The following GTPBP2 variants were observed in gnomAD, a reference collection of about 807,000 sequenced individuals.
GTPBP2 encodes the protein GTP-binding protein 2.
A neutral mutation model predicts 63.0 loss-of-function variants in GTPBP2; 32 were observed. That is an observed-to-expected ratio of 0.51 (90% CI 0.38 to 0.68). The LOEUF is 0.68. GTPBP2 is among the 30% of genes least tolerant of loss of function. The pLI is 0.00. For missense variants in GTPBP2, 492 were observed against 796.9 expected (o/e 0.62, Z 4.61); for synonymous variants, 310 against 322.6 (o/e 0.96, Z 0.42).
At chr6:43,630,183 ATTT>A (rs1406786509), upstream of GTPBP2, among the ~76,000 whole-genome samples, 2 of 152,114 alleles carry the variant, frequency 1.3e-5, no homozygotes, top group African/African-American at 4.8e-5. Context: ...GCCACAGGGG[ATTT>A]TTGGCTTTTG....
chr6:43,629,851 C>T (rs1242722452), upstream of GTPBP2: 3 of 1,470,208 alleles, frequency 2.0e-6, no homozygotes, highest in African/African-American at 2.8e-5. Flanking sequence ...ATTATGCTAC[C>T]TTTACATAGT....
At chr6:43,627,181 G>A (rs951038436) in intron 1 of GTPBP2, 16 of 780,788 alleles carry the variant, frequency 2.0e-5, no homozygotes, top group Middle Eastern at 7.6e-4. Context: ...ATTTAAGCCA[G>A]GAACAGAACA....
rs1334653670 is a variant in GTPBP2, at chr6:43,625,872, A to G, written c.399-8T>C. 2.5e-6 allele frequency: 4 copies of G among 1,606,050 alleles called. No individual in the cohort carries two copies. Among genetic ancestry groups the G allele is most frequent in the Non-Finnish European group, 3.4e-6 (4 of 1,172,838 alleles). On this transcript the variant is annotated splice_polypyrimidine_tract_variant and splice_region_variant and intron_variant, in intron 3 of 11. Coordinates refer to ENST00000307126, the MANE Select transcript of GTPBP2 (RefSeq NM_019096.5). The surrounding 1 kb of genome is among the most constrained non-coding windows in gnomAD (Gnocchi z 5.1). The stretch of plus-strand genomic sequence containing the variant: ...GTTATGTCTGCCCCAACCCTGTCAC[A>G]GCAAGGCCACAGCTGCCATATCTCA...
rs562922367 is a variant in GTPBP2, at chr6:43,623,047, ACCTAAT to A, written c.1296-249_1296-244del. ...ACTTGCTGGTTTAACAACACCGAAC[ACCTAAT>A]CACTGAAGGAGCAAGTTATCCCCTT... On this transcript the variant is annotated intron_variant, in intron 9 of 11. Coordinates refer to ENST00000307126, the MANE Select transcript of GTPBP2 (RefSeq NM_019096.5). 1.6e-4 allele frequency: 81 copies of A among 506,622 alleles called. 1 individual carries two copies. Among genetic ancestry groups the A allele is most frequent in the African/African-American group, 1.2e-3 (63 of 52,232 alleles). 31.4% of individuals were successfully genotyped at this position (506,622 alleles called of 1,614,324 possible).
In GTPBP2 at chr6:43,624,127, A is replaced by AGAGCCCC; in HGVS notation, c.1101-66_1101-60dup. On this transcript the variant is annotated intron_variant, in intron 7 of 11. Transcript: ENST00000307126. This position sits in a 1 kb window ranked among gnomAD's most constrained non-coding sequence, Gnocchi z 5.1. ...ACAGTCCAAACAGGAGGCAGAGGCC[A>AGAGCCCC]GAGCCCCATACATGGAAAGGTGAGC... 6.8e-7 allele frequency: 1 copy of AGAGCCCC among 1,476,096 alleles called. No individual in the cohort carries two copies. The highest frequency in any genetic ancestry group is 9.2e-7 in the Non-Finnish European group (1 of 1,084,324). The allele number at this position is 1,476,096 out of a possible 1,614,324, so 91.4% of individuals were successfully genotyped here. A position where few individuals can be genotyped will look rare whatever the true frequency, so the allele number is the denominator to read the frequency against.
chr6:43,629,600 T>G (rs912409987), upstream of GTPBP2: 2 of 789,998 alleles, frequency 2.5e-6, no homozygotes, highest in Non-Finnish European at 4.3e-6. Flanking sequence ...GTAGAAGAGC[T>G]TACATCAGAA....
rs1285809763 is a variant in GTPBP2 at position 43,624,287 on chromosome 6, C to T, written c.1101-219G>A. Among the ~76,000 whole-genome samples, 1 of 152,198 alleles carries T rather than the reference C, an allele frequency of 6.6e-6. No homozygotes were observed. Among genetic ancestry groups the T allele is most frequent in the Non-Finnish European group, 1.5e-5 (1 of 68,028 alleles). ...GGGAAACAGCAAATGCCTGGTATAG[C>T]ACTTCATCGCCATGGTCCCAGGCAT... On this transcript the variant is annotated intron_variant, in intron 7 of 11. Transcript: ENST00000307126. The surrounding 1 kb of genome is among the most constrained non-coding windows in gnomAD (Gnocchi z 5.1).
At chr6:43,628,845 TCTC>T (rs1297632672) in intron 1 of GTPBP2, 129 bp downstream of exon 1, 12 of 1,010,614 alleles carry the variant, frequency 1.2e-5, no homozygotes, top group African/African-American at 4.7e-5. Flanking sequence ...AAAGAGGTGT[TCTC>T]CTCCCGTGCC....
At chr6:43,628,818 TG>T (rs759840402) in intron 1 of GTPBP2, 158 bp downstream of exon 1, 23 of 869,748 alleles carry the variant, frequency 2.6e-5, no homozygotes, top group East Asian at 1.9e-4. Context: ...CCTTCCTCCC[TG>T]GGGTCCCGGG....
At chr6:43,623,645 G>T in intron 9 of GTPBP2, 92 bp downstream of exon 9, 1 of 932,376 alleles carries the variant, frequency 1.1e-6, no homozygotes, top group Non-Finnish European at 1.8e-6. Context: ...AATGGGTTCC[G>T]TTCAATTCCA....
chr6:43,629,080 C>A lies in GTPBP2; in HGVS notation c.83G>T (p.Arg28Met). 5 of 1,598,446 alleles carry A rather than the reference C, an allele frequency of 3.1e-6. No homozygotes were observed. Among genetic ancestry groups the A allele is most frequent in the Non-Finnish European group, 4.3e-6 (5 of 1,172,824 alleles). Reference sequence around the variant, plus strand: ...GCAGCCGCTGCTGCTGCCGGCCCCCCTAGCCTTGAGGGTTCCGCCCACGGC... The same window carrying A: ...GCAGCCGCTGCTGCTGCCGGCCCCCATAGCCTTGAGGGTTCCGCCCACGGC... ...GPAVGGTLKARGAGSSSGCGG... is the reference protein window; with the variant it reads ...GPAVGGTLKAMGAGSSSGCGG... The change falls in exon 1 of 12, where the codon AGG (arginine) becomes ATG (methionine). Residue 28 changes from arginine to methionine, a missense_variant. Transcript: ENST00000307126.
Position 43,622,378 on chromosome 6 carries a change from T to G in GTPBP2, c.1468-211A>C, listed in dbSNP as rs1014662335. 2.0e-5 allele frequency among the ~76,000 whole-genome samples: 3 copies of G among 152,194 alleles called. No homozygotes were observed. Among genetic ancestry groups the G allele is most frequent in the African/African-American group, 7.2e-5 (3 of 41,454 alleles). On this transcript the variant is annotated intron_variant, in intron 10 of 11. Transcript: ENST00000307126. The surrounding 1 kb of genome is among the most constrained non-coding windows in gnomAD (Gnocchi z 5.4). ...CCTCTAGCCCATCTAACGCTTCACA[T>G]TTTTAGGGTCCTGAACACTAAAAAT...
chr6:43,629,807 G>C (rs1420544431), upstream of GTPBP2: 1 of 1,557,492 alleles, frequency 6.4e-7, no homozygotes, highest in Non-Finnish European at 8.7e-7. Flanking sequence ...GGCGGATGGT[G>C]ATTAGCCAAA....
upstream of GTPBP2, among the ~76,000 whole-genome samples, chr6:43,630,381 C>A (rs559112556): frequency 1.3e-5 from 2 of 152,176 alleles, no homozygotes; most frequent in Non-Finnish European, 2.9e-5. Context: ...ATGACTCAGA[C>A]CACTCACAGT....
In GTPBP2 at chr6:43,625,646, G is replaced by A. The variant is rs767531741; in HGVS notation, c.508-86C>T. The A allele has an allele frequency of 1.2e-4, 171 of 1,415,402 alleles. No individual in the cohort carries two copies. Among genetic ancestry groups the A allele is most frequent in the Non-Finnish European group, 1.6e-4 (160 of 1,000,154 alleles). 87.7% of individuals were successfully genotyped at this position (1,415,402 alleles called of 1,614,324 possible). ...GTCAAGGGCAGTGACGCTCCCTAGG[G>A]AGCAAGTGATGAACTGGAAGCCCCC... is the stretch of plus-strand genomic sequence containing the variant. On this transcript the variant is annotated intron_variant, in intron 4 of 11. Coordinates refer to ENST00000307126, the MANE Select transcript of GTPBP2 (RefSeq NM_019096.5). This position sits in a 1 kb window ranked among gnomAD's most constrained non-coding sequence, Gnocchi z 5.1.
At chr6:43,628,903 T>C in intron 1 of GTPBP2, 74 bp downstream of exon 1, 1 of 1,477,224 alleles carries the variant, frequency 6.8e-7, no homozygotes, top group Non-Finnish European at 9.5e-7. Flanking sequence ...ATTAATTATC[T>C]GGGTCCCGCC....
rs1769025712 is a variant in GTPBP2 at position 43,623,709 on chromosome 6, G to C, written c.1295+28C>G. ...TTGAGTATATAGGTGAGGGCTGAGT[G>C]GGGAGGGTAGCAAGCAAGACAATTT... On this transcript the variant is annotated intron_variant, in intron 9 of 11. Transcript: ENST00000307126. The C allele has an allele frequency of 3.2e-6, 5 of 1,557,698 alleles. No individual in the cohort carries two copies. In the African/African-American group the frequency reaches 4.1e-5, roughly 13 times the overall value.
chr6:43,625,154 T>C lies in GTPBP2; in HGVS notation c.706-92A>G. 1 of 1,253,140 alleles carries C rather than the reference T, an allele frequency of 8.0e-7. No homozygotes were observed. The highest frequency in any genetic ancestry group is 1.1e-6 in the Non-Finnish European group (1 of 884,902). The allele number at this position is 1,253,140 out of a possible 1,614,324, so 77.6% of individuals were successfully genotyped here. A position where few individuals can be genotyped will look rare whatever the true frequency, so the allele number is the denominator to read the frequency against. On this transcript the variant is annotated intron_variant, in intron 5 of 11. Transcript: ENST00000307126. The surrounding 1 kb of genome is among the most constrained non-coding windows in gnomAD (Gnocchi z 5.1). ...ACCTAAACCATTCCCTGGGTGACCC[T>C]GCCTCTTAATCTTGACCCCATTTTT...
chr6:43,630,005 T>C (rs1322493651), upstream of GTPBP2, among the ~76,000 whole-genome samples: 1 of 152,106 alleles, frequency 6.6e-6, no homozygotes, highest in East Asian at 1.9e-4. Flanking sequence ...CGAGTATTCC[T>C]CCTCCCCTTT....
Sources: gnomAD v4.1 joint callset for allele counts (sites outside exome capture counted in the v4.1 genomes callset) on GRCh38, gnomAD v4.1.1 for gene constraint, Gnocchi (gnomAD v3.1) non-coding constraint, MANE v1.5 for transcripts, NCBI Gene and HGNC (gene_info 2026-07-23, HGNC 2026-07-21) for gene names.